UGT3A1: variants seen among roughly 807,000 people sequenced by gnomAD.
UGT3A1 encodes UDP-glycosyltransferase 3A1.
A neutral mutation model predicts 37.6 loss-of-function variants in UGT3A1; 40 were observed. That is an observed-to-expected ratio of 1.06 (90% confidence interval 0.83 to 1.38). UGT3A1 has a LOEUF of 1.38. Ranked by LOEUF, UGT3A1 falls within the 40% of genes most tolerant of loss-of-function variation. UGT3A1 has a pLI of 0.00. For synonymous variants in UGT3A1, 256 were observed against 232.3 expected, an observed-to-expected ratio of 1.10 and a Z score of -0.93; for missense variants, 642 against 634.2, an observed-to-expected ratio of 1.01 and a Z score of -0.13.
chr5:35,956,061 C>T (rs1399802248), intron 5 of UGT3A1, among the ~76,000 whole-genome samples, 197 bp from the exon 6 acceptor site: 1 of 152,242 alleles, frequency 6.6e-6, no homozygotes, highest in Non-Finnish European at 1.5e-5. Flanking sequence ...AGAGATTCCT[C>T]ACCTCAGCCC....
At chr5:35,973,219 T>C (rs941919723) in intron 2 of UGT3A1, among the ~76,000 whole-genome samples, 1 of 152,224 alleles carries the variant, frequency 6.6e-6, no homozygotes, top group African/African-American at 2.4e-5. Flanking sequence ...TGAAAGATAC[T>C]GTTTTAGCAT....
chr5:35,974,841 A>T (rs1213556865), intron 2 of UGT3A1, among the ~76,000 whole-genome samples: 8 of 152,184 alleles, frequency 5.3e-5, no homozygotes, highest in African/African-American at 1.9e-4. Flanking sequence ...GCCCTGTGAC[A>T]CCATTTAGTC....
At chr5:35,977,645 T>C (rs1183850304) in intron 2 of UGT3A1, among the ~76,000 whole-genome samples, 1 of 152,234 alleles carries the variant, frequency 6.6e-6, no homozygotes, top group East Asian at 1.9e-4. Context: ...GCTGAGCAGA[T>C]GCTGGTGCCA....
chr5:35,966,005 G>C, intron 3 of UGT3A1, 88 bp from the exon 4 acceptor site: 4 of 1,061,502 alleles, frequency 3.8e-6, no homozygotes, highest in South Asian at 1.9e-5. Flanking sequence ...AAATATTTCA[G>C]GTATGTTAAG....
At chr5:35,957,451 CA>C in intron 4 of UGT3A1, 32 bp from the exon 5 acceptor site, 1 of 1,587,374 alleles carries the variant, frequency 6.3e-7, no homozygotes, top group Non-Finnish European at 8.6e-7. Context: ...AAGGAGGTGG[CA>C]AAATTGAGAA....
intron 1 of UGT3A1, among the ~76,000 whole-genome samples, chr5:35,998,574 A>G (rs941002165): frequency 1.3e-5 from 2 of 152,136 alleles, no homozygotes; most frequent in Non-Finnish European, 2.9e-5. Flanking sequence ...TTTTCGACAA[A>G]ATCCCTCATG....
chr5:35,965,957 G>A, intron 3 of UGT3A1, 40 bp from the exon 4 acceptor site: 11 of 1,411,860 alleles, frequency 7.8e-6, no homozygotes, highest in Non-Finnish European at 9.4e-6. Context: ...TTGGGAAAGT[G>A]TAATTTTACA....
upstream of UGT3A1, chr5:35,991,457 C>T: frequency 2.2e-6 from 3 of 1,389,696 alleles, no homozygotes; most frequent in Non-Finnish European, 2.8e-6. Flanking sequence ...TGCCCTCACC[C>T]TATCAAACTA....
At position 35,952,917 on chromosome 5, in the gene UGT3A1, G is replaced by C. The variant is rs1739224318; in HGVS notation, c.*1285C>G. The C allele has an allele frequency of 6.6e-6, 1 of 152,134 alleles. No individual in the cohort carries two copies. The highest frequency in any genetic ancestry group is 1.5e-5 in the Non-Finnish European group (1 of 68,016). 9.4% of individuals were successfully genotyped at this position (152,134 alleles called of 1,614,324 possible). Reference sequence around the variant, plus strand: ...TCATGGAATTGGCAAAGTTTTTGGTGGGGGGCATTCTCTATTTCTGCAGGA... The same window carrying C: ...TCATGGAATTGGCAAAGTTTTTGGTCGGGGGCATTCTCTATTTCTGCAGGA... On this transcript the variant is annotated 3_prime_UTR_variant, in exon 7 of 7. Coordinates refer to ENST00000274278, the MANE Select transcript of UGT3A1 (RefSeq NM_152404.4).
At chr5:35,959,779 A>G (rs1739504082) in intron 4 of UGT3A1, among the ~76,000 whole-genome samples, 1 of 152,150 alleles carries the variant, frequency 6.6e-6, no homozygotes, top group South Asian at 2.1e-4. Flanking sequence ...CTATATATGT[A>G]AAACTTTAAA....
At chr5:35,998,195 A>C (rs1414514164) in intron 1 of UGT3A1, among the ~76,000 whole-genome samples, 1 of 152,190 alleles carries the variant, frequency 6.6e-6, no homozygotes, top group African/African-American at 2.4e-5. Context: ...CCCAAACTAC[A>C]AATTTCCTTT....
intron 2 of UGT3A1, among the ~76,000 whole-genome samples, chr5:35,976,739 G>A (rs1277718582): frequency 1.3e-5 from 2 of 152,072 alleles, no homozygotes; most frequent in East Asian, 3.9e-4. Context: ...AAGAGGCTGA[G>A]GTAAGAGGAT....
chr5:35,957,541 G>A (rs549609578), intron 4 of UGT3A1, 122 bp from the exon 5 acceptor site: 270 of 774,560 alleles, frequency 3.5e-4, no homozygotes, highest in Non-Finnish European at 5.0e-4. Context: ...TCACTCTCCC[G>A]AAGCTATTAT....
intron 2 of UGT3A1, among the ~76,000 whole-genome samples, chr5:35,979,430 C>A (rs1472584399): frequency 6.6e-6 from 1 of 152,120 alleles, no homozygotes; most frequent in Non-Finnish European, 1.5e-5. Flanking sequence ...AAATCATCTC[C>A]CTCAAGTTCA....
chr5:35,957,536 C>G, intron 4 of UGT3A1, 117 bp from the exon 5 acceptor site: 1 of 789,646 alleles, frequency 1.3e-6, no homozygotes, highest in East Asian at 2.7e-5. Flanking sequence ...TGTCTTCACT[C>G]TCCCGAAGCT....
intron 2 of UGT3A1, among the ~76,000 whole-genome samples, chr5:35,981,477 A>G (rs1322440178): frequency 6.6e-6 from 1 of 152,200 alleles, no homozygotes; most frequent in African/African-American, 2.4e-5. Context: ...GCTTTAGCAG[A>G]GAAACTGGTG....
At chr5:35,998,484 T>C (rs1417371618) in intron 1 of UGT3A1, among the ~76,000 whole-genome samples, 2 of 152,242 alleles carry the variant, frequency 1.3e-5, no homozygotes, top group Non-Finnish European at 2.9e-5. Context: ...CAGCCTCTTA[T>C]AAATTTTGGC....
intron 2 of UGT3A1, among the ~76,000 whole-genome samples, chr5:35,972,051 G>T (rs544039208): frequency 1.3e-5 from 2 of 151,892 alleles, no homozygotes; most frequent in Admixed American, 6.6e-5. Context: ...AGAGAGAAGC[G>T]CACCACCCTC....
chr5:35,963,876 G>A (rs376609805), intron 4 of UGT3A1, among the ~76,000 whole-genome samples: 18 of 152,288 alleles, frequency 1.2e-4, no homozygotes, highest in African/African-American at 4.3e-4. Flanking sequence ...CGGAATGGGG[G>A]GTGGGGATGG....
Sources: allele counts gnomAD v4.1 joint callset (sites outside exome capture counted in the v4.1 genomes callset), GRCh38; gene constraint gnomAD v4.1.1; transcripts MANE v1.5; gene names NCBI Gene and HGNC (gene_info 2026-07-23, HGNC 2026-07-21).